Variants in CLK3 observed in about 807,000 individuals in gnomAD.
CLK3 encodes dual specificity protein kinase CLK3.
Under a neutral mutation model 65.2 loss-of-function variants are expected in CLK3, and 24 were observed. The ratio of observed to expected loss-of-function variants is 0.37; its 90% confidence interval spans 0.27 to 0.52. CLK3 has a LOEUF of 0.52. CLK3 is among the 20% of genes least tolerant of loss of function. The pLI, the probability that CLK3 is intolerant of heterozygous loss-of-function variation, is 0.92. For missense variants in CLK3, 506 were observed against 660.0 expected (o/e 0.77, Z 2.56); for synonymous variants, 252 against 240.8 (o/e 1.05, Z -0.43).
intron 7 of CLK3, among the ~76,000 whole-genome samples, chr15:74,626,693 C>T (rs2062145562): frequency 6.6e-6 from 1 of 152,138 alleles, no homozygotes; most frequent in African/African-American, 2.4e-5. Flanking sequence ...AGAATTGGCT[C>T]CAGTGGAGTA....
upstream of CLK3, among the ~76,000 whole-genome samples, chr15:74,612,164 C>T (rs779052836): frequency 5.9e-5 from 9 of 152,218 alleles, no homozygotes; most frequent in Non-Finnish European, 1.2e-4. Flanking sequence ...AGCTGCAATC[C>T]CCACCCAACA....
intron 1 of CLK3, among the ~76,000 whole-genome samples, chr15:74,616,544 G>A (rs2062061616): frequency 6.6e-6 from 1 of 152,252 alleles, no homozygotes; most frequent in African/African-American, 2.4e-5. Context: ...TCTAGCTTTA[G>A]TTCCGGGTGT....
intron 1 of CLK3, 102 bp downstream of exon 1, chr15:74,616,000 CT>C: frequency 1.1e-6 from 1 of 900,664 alleles, no homozygotes; most frequent in South Asian, 5.3e-5. Flanking sequence ...GGCCTACTCC[CT>C]TTCTTTCTCC....
chr15:74,611,388 A>G (rs563686926), upstream of CLK3, among the ~76,000 whole-genome samples: 41 of 152,338 alleles, frequency 2.7e-4, no homozygotes, highest in African/African-American at 9.1e-4. Context: ...AGGAAGAAGG[A>G]ATGGGGGAGG....
Position 74,622,457 on chromosome 15 carries a change from C to A in CLK3, c.467-37C>A. 3.9e-6 allele frequency: 6 copies of A among 1,540,632 alleles called. No individual in the cohort carries two copies. The highest frequency in any genetic ancestry group is 5.3e-6 in the Non-Finnish European group (6 of 1,129,672). ...TTGCAGGAGCTGCCAACCCCCTGCC[C>A]TCCAGATTCTCATGCCCAATTTCTT... On this transcript the variant is annotated intron_variant, in intron 4 of 12. Coordinates refer to ENST00000395066, the MANE Select transcript of CLK3 (RefSeq NM_001130028.2). This position sits in a 1 kb window ranked among gnomAD's most constrained non-coding sequence, Gnocchi z 4.6.
upstream of CLK3, chr15:74,615,011 A>C (rs146653157): frequency 2.1e-3 from 350 of 169,710 alleles, 2 homozygotes; most frequent in Middle Eastern, 5.1e-3. Context: ...TCATCTGGAA[A>C]GTGGGGCCTC....
Position 74,625,783 on chromosome 15 carries a change from GC to G in CLK3, c.651-16del. On this transcript the variant is annotated intron_variant, in intron 6 of 12. Coordinates refer to ENST00000395066, the MANE Select transcript of CLK3 (RefSeq NM_001130028.2). ...GCCCCCAGCACACAGCCTGAGCCCTGCCCATCCTCCTCCTCCAGCCTGTGTG... is the reference window on the plus strand; with the variant it reads ...GCCCCCAGCACACAGCCTGAGCCCTGCCATCCTCCTCCTCCAGCCTGTGTG... 6.2e-7 allele frequency: 1 copy of G among 1,613,360 alleles called. No individual in the cohort carries two copies. Among genetic ancestry groups the G allele is most frequent in the South Asian group, 1.1e-5 (1 of 91,074 alleles).
At chr15:74,628,879 C>A in intron 11 of CLK3, 63 bp from the exon 12 acceptor site, 1 of 1,246,156 alleles carries the variant, frequency 8.0e-7, no homozygotes, top group Non-Finnish European at 1.2e-6. Context: ...CTCTTCCCCA[C>A]CTCCCACCAG....
At chr15:74,618,998 C>A in intron 1 of CLK3, 199 bp from the exon 2 acceptor site, 1 of 586,902 alleles carries the variant, frequency 1.7e-6, no homozygotes, top group Non-Finnish European at 3.0e-6. Context: ...TGTTCACTGG[C>A]AGAGAAAGTT....
chr15:74,629,999 G>A lies in CLK3; in HGVS notation c.*116G>A. Reference sequence around the variant, plus strand: ...AGCCACCCAATGAACAGTGCAATGTGAAGGAAGGCAGGAGCCTGCAGGGGA... The same window carrying A: ...AGCCACCCAATGAACAGTGCAATGTAAAGGAAGGCAGGAGCCTGCAGGGGA... On this transcript the variant is annotated 3_prime_UTR_variant, in exon 13 of 13. Transcript: ENST00000395066. 5 of 1,034,110 alleles carry A rather than the reference G, an allele frequency of 4.8e-6. No individual in the cohort carries two copies. The South Asian group carries it at 8.4e-5, about 17-fold the overall frequency. 64.1% of individuals were successfully genotyped at this position (1,034,110 alleles called of 1,614,324 possible).
chr15:74,614,624 G>A (rs538467472), upstream of CLK3, among the ~76,000 whole-genome samples: 18 of 152,354 alleles, frequency 1.2e-4, no homozygotes, highest in Admixed American at 9.8e-4. Context: ...GTTTCAGGGA[G>A]AGCCGCTGGC....
At position 74,621,932 on chromosome 15, in the gene CLK3, C is replaced by A; in HGVS notation, c.370-188C>A. 1 of 670,062 alleles carries A rather than the reference C, an allele frequency of 1.5e-6. No individual in the cohort carries two copies. 41.5% of individuals were successfully genotyped at this position (670,062 alleles called of 1,614,324 possible). On this transcript the variant is annotated intron_variant, in intron 3 of 12. Transcript: ENST00000395066. This position sits in a 1 kb window ranked among gnomAD's most constrained non-coding sequence, Gnocchi z 4.8. The stretch of plus-strand genomic sequence containing the variant: ...AGTCAGTTTGTGTCTTGACGTGTCC[C>A]TTGCAATATCCCTATCGTTATATAT...
chr15:74,619,996 C>T lies in CLK3; in HGVS notation c.153-13C>T, dbSNP rs762665220. 2.5e-6 allele frequency: 4 copies of T among 1,613,982 alleles called. No homozygotes were observed. The Admixed American group carries it at 6.7e-5, about 27-fold the overall frequency. Reference sequence around the variant, plus strand: ...GACCCAGCTGACCAGCGTCCCCATCCCCCTTTTGGCAGCCATGACCGCCTG... The same window carrying T: ...GACCCAGCTGACCAGCGTCCCCATCTCCCTTTTGGCAGCCATGACCGCCTG... On this transcript the variant is annotated splice_polypyrimidine_tract_variant and intron_variant, in intron 2 of 12. Transcript: ENST00000395066.
upstream of CLK3, chr15:74,615,098 G>C (rs1032034337): frequency 3.4e-5 from 9 of 268,362 alleles, no homozygotes; most frequent in Non-Finnish European, 5.6e-5. Context: ...CTCTGCAAAA[G>C]GGGGCTGTCC....
chr15:74,626,232 T>A (rs757558660), intron 7 of CLK3, among the ~76,000 whole-genome samples: 6 of 152,198 alleles, frequency 3.9e-5, no homozygotes, highest in Non-Finnish European at 8.8e-5. Context: ...CGAACTGCTC[T>A]GGAATTGGCC....
At position 74,629,965 on chromosome 15, in the gene CLK3, C is replaced by T. The variant is rs2062180497; in HGVS notation, c.*82C>T. 2 of 1,389,824 alleles carry T rather than the reference C, an allele frequency of 1.4e-6. No homozygotes were observed. Among genetic ancestry groups the T allele is most frequent in the Non-Finnish European group, 2.0e-6 (2 of 1,018,276 alleles). The allele number at this position is 1,389,824 out of a possible 1,614,324, so 86.1% of individuals were successfully genotyped here. On this transcript the variant is annotated 3_prime_UTR_variant, in exon 13 of 13. Transcript: ENST00000395066. Reference sequence around the variant, plus strand: ...TGACTCCAGCCTCGACCGCCAGGCCCCAGGCCAGAGCCACCCAATGAACAG... The same window carrying T: ...TGACTCCAGCCTCGACCGCCAGGCCTCAGGCCAGAGCCACCCAATGAACAG...
In CLK3 at chr15:74,626,504, C is replaced by A. The variant is rs1028220071; in HGVS notation, c.817+536C>A. 2.6e-5 allele frequency among the ~76,000 whole-genome samples: 4 copies of A among 152,358 alleles called. No homozygotes were observed. In the South Asian group the frequency reaches 8.3e-4, roughly 32 times the overall value. On this transcript the variant is annotated intron_variant, in intron 7 of 12. Coordinates refer to ENST00000395066, the MANE Select transcript of CLK3 (RefSeq NM_001130028.2). ...AGAATCGCTCAAGGTCACCCCGCAT[C>A]GCTCCCCTACCCTGAGCACTGCTAC... is the stretch of plus-strand genomic sequence containing the variant.
chr15:74,614,750 T>G (rs1412069674), upstream of CLK3: 2 of 152,084 alleles, frequency 1.3e-5, no homozygotes, highest in Non-Finnish European at 2.9e-5. Flanking sequence ...CGCGGCTGGC[T>G]GGCGGCCGCC....
chr15:74,626,112 G>A lies in CLK3; in HGVS notation c.817+144G>A, dbSNP rs896876035. ...ACACCAGATCCCCTTTGGCGGAAAG[G>A]CCTGTCTTTGGGTGGGAATCTCAGT... On this transcript the variant is annotated intron_variant, in intron 7 of 12. Coordinates refer to ENST00000395066, the MANE Select transcript of CLK3 (RefSeq NM_001130028.2). 4 of 967,558 alleles carry A rather than the reference G, an allele frequency of 4.1e-6. No individual in the cohort carries two copies. The African/African-American group carries it at 4.9e-5, about 12-fold the overall frequency. The allele number at this position is 967,558 out of a possible 1,614,324, so 59.9% of individuals were successfully genotyped here.
Sources: gnomAD v4.1 joint callset for allele counts (sites outside exome capture counted in the v4.1 genomes callset) on GRCh38, gnomAD v4.1.1 for gene constraint, Gnocchi (gnomAD v3.1) non-coding constraint, MANE v1.5 for transcripts, NCBI Gene and HGNC (gene_info 2026-07-23, HGNC 2026-07-21) for gene names.